ZSWIM7: variants seen among roughly 807,000 people sequenced by gnomAD.
The protein encoded by ZSWIM7 is zinc finger SWIM-type containing 7.
Under a neutral mutation model 21.1 loss-of-function variants are expected in ZSWIM7, and 22 were observed. The observed-to-expected ratio is 1.04, with a 90% CI of 0.74 to 1.49. The LOEUF (loss-of-function observed/expected upper bound fraction) is 1.49. ZSWIM7 is among the 40% of genes most tolerant of loss of function. The pLI is 0.00. For synonymous variants in ZSWIM7, 67 were observed against 66.5 expected (o/e 1.01, Z -0.04); for missense variants, 193 against 168.0 (o/e 1.15, Z -0.82).
intron 4 of ZSWIM7, among the ~76,000 whole-genome samples, chr17:15,979,686 T>A (rs1172366459): frequency 2.1e-5 from 2 of 97,556 alleles, no homozygotes; most frequent in Admixed American, 2.0e-4. Flanking sequence ...CCCACCTCCC[T>A]CCCGAATGGG....
chr17:15,981,032 A>C lies in ZSWIM7; in HGVS notation c.306+8T>G. On this transcript the variant is annotated splice_region_variant and intron_variant, in intron 4 of 4. Coordinates refer to ENST00000399277, the MANE Select transcript of ZSWIM7 (RefSeq NM_001042697.2). ...AACTACAGTGGGAAGAGTCTTCCCC[A>C]TCCTCACCAGGATGCTGTCACTCTT... The C allele has an allele frequency of 6.2e-7, 1 of 1,609,174 alleles. No individual in the cohort carries two copies. Among genetic ancestry groups the C allele is most frequent in the Non-Finnish European group, 8.5e-7 (1 of 1,175,924 alleles).
intron 3 of ZSWIM7, among the ~76,000 whole-genome samples, chr17:15,984,282 C>T (rs943064862): frequency 6.6e-6 from 1 of 152,192 alleles, no homozygotes; most frequent in Non-Finnish European, 1.5e-5. Context: ...GAGTTAGAAA[C>T]ATTTAGAACT....
intron 2 of ZSWIM7, chr17:15,991,249 C>G (rs1970478732): frequency 6.6e-6 from 1 of 151,912 alleles, no homozygotes; most frequent in Admixed American, 6.6e-5. Context: ...TTTTATTCTC[C>G]TCAAACTCCA....
At chr17:15,978,775 CTAAGTTA>C (rs1970309257) in intron 4 of ZSWIM7, among the ~76,000 whole-genome samples, 1 of 152,174 alleles carries the variant, frequency 6.6e-6, no homozygotes, top group East Asian at 1.9e-4. Context: ...CACGTTAGTC[CTAAGTTA>C]TATTTCTTCC....
At chr17:15,992,438 G>A (rs1012015896) in intron 2 of ZSWIM7, among the ~76,000 whole-genome samples, 29 of 104,740 alleles carry the variant, frequency 2.8e-4, no homozygotes, top group South Asian at 2.9e-4. Flanking sequence ...GAACAGCTAC[G>A]CTTTTTTTTT....
At chr17:15,988,095 T>C (rs1174020582) in intron 2 of ZSWIM7, among the ~76,000 whole-genome samples, 1 of 152,150 alleles carries the variant, frequency 6.6e-6, no homozygotes, top group East Asian at 1.9e-4. Context: ...TATGCACACA[T>C]ACATAACAAA....
chr17:15,999,515 G>T lies in ZSWIM7; in HGVS notation c.76+4C>A. ...CGCAGCCACACACGACCTCGGTCCC[G>T]TACTTCGCGCGCTCTCCTGCACCGC... On this transcript the variant is annotated splice_donor_region_variant and intron_variant, in intron 1 of 4. Transcript: ENST00000399277. The T allele has an allele frequency of 6.3e-7, 1 of 1,599,152 alleles. No homozygotes were observed. Among genetic ancestry groups the T allele is most frequent in the Non-Finnish European group, 8.5e-7 (1 of 1,177,950 alleles).
chr17:15,993,231 G>T (rs1970507351), intron 2 of ZSWIM7, among the ~76,000 whole-genome samples: 1 of 151,938 alleles, frequency 6.6e-6, no homozygotes, highest in African/African-American at 2.4e-5. Context: ...TCCCTATTTT[G>T]CTAGAGCTGG....
intron 4 of ZSWIM7, among the ~76,000 whole-genome samples, chr17:15,978,913 C>T (rs896341405): frequency 1.3e-5 from 2 of 151,610 alleles, no homozygotes; most frequent in Non-Finnish European, 2.9e-5. Flanking sequence ...GGTATTGTAA[C>T]CACATGCTCA....
intron 4 of ZSWIM7, among the ~76,000 whole-genome samples, chr17:15,979,311 TCACA>T: frequency 6.6e-6 from 1 of 151,850 alleles, no homozygotes; most frequent in South Asian, 2.1e-4. Context: ...GGGGGTAAGG[TCACA>T]GATCAACAGG....
chr17:15,991,809 G>T (rs1970485272), intron 2 of ZSWIM7, among the ~76,000 whole-genome samples: 2 of 151,864 alleles, frequency 1.3e-5, no homozygotes, highest in African/African-American at 4.8e-5. Flanking sequence ...TAGAGACAAG[G>T]TCTCACATCA....
intron 1 of ZSWIM7, among the ~76,000 whole-genome samples, chr17:15,996,570 T>C (rs1428858894): frequency 2.0e-5 from 3 of 151,570 alleles, no homozygotes; most frequent in Admixed American, 6.6e-5. Flanking sequence ...TCTCAAAAAA[T>C]AGAAAAGAAA....
rs1326017491 is a variant in ZSWIM7, at chr17:15,976,881, GTTC to G, written c.*1163_*1165del. The G allele has an allele frequency of 1.3e-5, 2 of 151,968 alleles. No homozygotes were observed. Among genetic ancestry groups the G allele is most frequent in the African/African-American group, 4.8e-5 (2 of 41,368 alleles). 9.4% of individuals were successfully genotyped at this position (151,968 alleles called of 1,614,324 possible). On this transcript the variant is annotated 3_prime_UTR_variant, in exon 5 of 5. Coordinates refer to ENST00000399277, the MANE Select transcript of ZSWIM7 (RefSeq NM_001042697.2). ...CTGGCTGTGGGCAGCTTTACCATAA[GTTC>G]TTGTCTTCTTATGCTGAAATTGATT...
chr17:15,999,047 C>T (rs562336713), intron 1 of ZSWIM7, among the ~76,000 whole-genome samples: 1 of 152,120 alleles, frequency 6.6e-6, no homozygotes, highest in African/African-American at 2.4e-5. Context: ...TGAGCCACTG[C>T]GCTGGGCCTA....
chr17:15,990,690 T>TA (rs771681911), intron 2 of ZSWIM7, among the ~76,000 whole-genome samples: 4 of 152,312 alleles, frequency 2.6e-5, no homozygotes, highest in Non-Finnish European at 4.4e-5. Context: ...TTCAACTTCT[T>TA]ACTTCATTTT....
intron 1 of ZSWIM7, chr17:15,999,287 C>T: frequency 1.6e-5 from 10 of 640,634 alleles, no homozygotes; most frequent in South Asian, 1.5e-4. Context: ...GGGGCTCCTG[C>T]AACTGCGCTG....
chr17:15,983,403 A>C (rs1042039519), intron 3 of ZSWIM7, among the ~76,000 whole-genome samples: 40 of 151,766 alleles, frequency 2.6e-4, no homozygotes, highest in Non-Finnish European at 8.8e-5. Flanking sequence ...GTGTTGAAAA[A>C]GCACACCTTG....
At chr17:15,981,606 C>T (rs1022518768) in intron 3 of ZSWIM7, among the ~76,000 whole-genome samples, 2 of 152,016 alleles carry the variant, frequency 1.3e-5, no homozygotes, top group Non-Finnish European at 2.9e-5. Context: ...AGTAGCAGGG[C>T]AGGAGTAAGA....
chr17:15,992,828 T>A (rs1567571753), intron 2 of ZSWIM7, among the ~76,000 whole-genome samples: 1 of 152,242 alleles, frequency 6.6e-6, no homozygotes, highest in African/African-American at 2.4e-5. Context: ...GAGACAAATT[T>A]TTAAGAATCA....
Sources: allele counts gnomAD v4.1 joint callset (sites outside exome capture counted in the v4.1 genomes callset), GRCh38; gene constraint gnomAD v4.1.1; transcripts MANE v1.5; gene names NCBI Gene and HGNC (gene_info 2026-07-23, HGNC 2026-07-21).